PCDH15: variants seen among roughly 807,000 people sequenced by gnomAD.
The protein encoded by PCDH15 is protocadherin-15.
PCDH15 carries 129 observed loss-of-function variants against 178.5 expected under a neutral mutation model. The ratio of observed to expected loss-of-function variants is 0.72; its 90% confidence interval spans 0.63 to 0.84. The LOEUF (loss-of-function observed/expected upper bound fraction) is 0.84, where lower values mean the gene tolerates loss of function less well. Ranked by LOEUF, PCDH15 falls within the 40% of genes least tolerant of loss-of-function variation. PCDH15 has a pLI of 0.00. For synonymous variants in PCDH15, 800 were observed against 732.0 expected (o/e 1.09, Z -1.50); for missense variants, 2,230 against 2,099.9 (o/e 1.06, Z -1.21).
At chr10:53,889,581 T>A (rs2081412741) in intron 26 of PCDH15, among the ~76,000 whole-genome samples, 1 of 152,094 alleles carries the variant, frequency 6.6e-6, no homozygotes, top group East Asian at 1.9e-4. Context: ...CAACTGAAGT[T>A]CTCAGATACT....
At chr10:55,283,084 T>C (rs1412520547) in intron 1 of PCDH15, among the ~76,000 whole-genome samples, 5 of 152,192 alleles carry the variant, frequency 3.3e-5, no homozygotes, top group Admixed American at 2.6e-4. Context: ...TTAGGAGTCA[T>C]GCAGCTGGAG....
At chr10:54,775,531 AC>A (rs537302801) in intron 1 of PCDH15, among the ~76,000 whole-genome samples, 25 of 152,286 alleles carry the variant, frequency 1.6e-4, no homozygotes, top group African/African-American at 6.0e-4. Flanking sequence ...ATTATTGTTA[AC>A]CATTGTCATT....
chr10:55,537,354 A>G (rs935602782), intron 2 of PCDH15, among the ~76,000 whole-genome samples: 1 of 152,132 alleles, frequency 6.6e-6, no homozygotes, highest in Non-Finnish European at 1.5e-5. Flanking sequence ...CTATATAGTT[A>G]CACACCAATA....
intron 2 of PCDH15, among the ~76,000 whole-genome samples, chr10:54,549,977 C>A (rs1307646061): frequency 6.6e-6 from 1 of 151,992 alleles, no homozygotes; most frequent in Non-Finnish European, 1.5e-5. Context: ...TCTGGTCAGG[C>A]ACCAGATTTT....
intron 14 of PCDH15, among the ~76,000 whole-genome samples, chr10:54,151,986 T>G (rs1239930202): frequency 6.6e-6 from 1 of 152,098 alleles, no homozygotes; most frequent in Non-Finnish European, 1.5e-5. Context: ...AATAGAACAT[T>G]TAGATCAAAA....
intron 2 of PCDH15, among the ~76,000 whole-genome samples, chr10:55,148,643 C>T (rs1416647274): frequency 6.6e-6 from 1 of 151,634 alleles, no homozygotes; most frequent in East Asian, 1.9e-4. Flanking sequence ...AGTTTGGTAG[C>T]ATATAAAGTT....
intron 2 of PCDH15, among the ~76,000 whole-genome samples, chr10:55,419,917 C>T (rs948091126): frequency 4.6e-5 from 7 of 151,590 alleles, no homozygotes; most frequent in Admixed American, 1.3e-4. Flanking sequence ...AATCTTAAAA[C>T]GGAGGTCAAA....
At chr10:54,017,859 CTG>C (rs1204945528) in intron 20 of PCDH15, among the ~76,000 whole-genome samples, 1 of 152,056 alleles carries the variant, frequency 6.6e-6, no homozygotes, top group Middle Eastern at 3.2e-3. Context: ...CCGTGTTTCA[CTG>C]TGACTGAAGA....
chr10:54,338,392 T>C (rs2134029362), intron 6 of PCDH15, among the ~76,000 whole-genome samples: 1 of 152,322 alleles, frequency 6.6e-6, no homozygotes, highest in Middle Eastern at 3.4e-3. Context: ...AATATTTTAT[T>C]GACATCTGAA....
chr10:54,502,740 CT>C lies in PCDH15; in HGVS notation c.157+25071del, dbSNP rs1298194383. On this transcript the variant is annotated intron_variant, in intron 3 of 37. Transcript: ENST00000644397. Reference sequence around the variant, plus strand: ...AAAAGTACAACAATGAGGCTTAATGCTTTATTGATAGTTAAGCTGTTGAATT... The same window carrying C: ...AAAAGTACAACAATGAGGCTTAATGCTTATTGATAGTTAAGCTGTTGAATT... Among the ~76,000 whole-genome samples the C allele has an allele frequency of 7.3e-4, 111 of 152,076 alleles. 1 individual carries two copies. Among genetic ancestry groups the C allele is most frequent in the African/African-American group, 2.6e-3 (108 of 41,524 alleles).
chr10:55,494,152 TC>T (rs1840483123), intron 2 of PCDH15, among the ~76,000 whole-genome samples: 8 of 151,826 alleles, frequency 5.3e-5, no homozygotes, highest in Admixed American at 5.3e-4. Context: ...ATAATGTTGC[TC>T]CAGTCTTCAT....
At chr10:55,526,537 T>A (rs1235949382) in intron 2 of PCDH15, among the ~76,000 whole-genome samples, 1 of 152,044 alleles carries the variant, frequency 6.6e-6, no homozygotes, top group Non-Finnish European at 1.5e-5. Context: ...CAACACCTTA[T>A]TGTGAGACTC....
At chr10:54,540,745 T>C (rs1369033834) in intron 2 of PCDH15, among the ~76,000 whole-genome samples, 1 of 152,072 alleles carries the variant, frequency 6.6e-6, no homozygotes, top group African/African-American at 2.4e-5. Flanking sequence ...TGAACATAGA[T>C]GCAAAAATCT....
chr10:54,970,336 AC>A (rs1228308315), intron 2 of PCDH15, among the ~76,000 whole-genome samples: 1 of 152,228 alleles, frequency 6.6e-6, no homozygotes, highest in Non-Finnish European at 1.5e-5. Context: ...TATAATAAAC[AC>A]CTAGAAAAAT....
intron 13 of PCDH15, among the ~76,000 whole-genome samples, chr10:54,172,018 TTTTG>T (rs1473623907): frequency 2.6e-5 from 4 of 151,806 alleles, no homozygotes; most frequent in Non-Finnish European, 5.9e-5. Flanking sequence ...TTCAACACTA[TTTTG>T]TTTTATTTTT....
intron 18 of PCDH15, among the ~76,000 whole-genome samples, chr10:54,042,829 G>A (rs2135530675): frequency 6.6e-6 from 1 of 152,180 alleles, no homozygotes; most frequent in Admixed American, 6.5e-5. Context: ...ACTGTAAGAG[G>A]GGTAGCACAG....
chr10:53,891,952 G>C (rs933555992), intron 26 of PCDH15, among the ~76,000 whole-genome samples: 5 of 149,616 alleles, frequency 3.3e-5, no homozygotes, highest in African/African-American at 1.2e-4. Flanking sequence ...CTGGGTGACA[G>C]AGCAACACTC....
chr10:54,177,263 A>T (rs11004120), intron 13 of PCDH15, among the ~76,000 whole-genome samples: 23 of 152,176 alleles, frequency 1.5e-4, no homozygotes, highest in Non-Finnish European at 3.4e-4. Context: ...AATGATTGTC[A>T]GGGGAAGGAA....
chr10:54,380,359 T>C (rs1010365229), intron 3 of PCDH15, among the ~76,000 whole-genome samples: 1 of 151,726 alleles, frequency 6.6e-6, no homozygotes, highest in Non-Finnish European at 1.5e-5. Context: ...CACTCCAAAG[T>C]ATAGATCAGA....
Sources: gnomAD v4.1 joint callset for allele counts (sites outside exome capture counted in the v4.1 genomes callset) on GRCh38, gnomAD v4.1.1 for gene constraint, MANE v1.5 for transcripts, NCBI Gene and HGNC (gene_info 2026-07-23, HGNC 2026-07-21) for gene names.